Variants in LHFPL3 observed in about 807,000 individuals in gnomAD.
LHFPL3 encodes the protein LHFPL tetraspan subfamily member 3.
Under a neutral mutation model 19.3 loss-of-function variants are expected in LHFPL3, and 5 were observed. That is an observed-to-expected ratio of 0.26 (90% CI 0.14 to 0.54). The LOEUF is 0.54. Ranked by LOEUF, LHFPL3 falls within the 20% of genes least tolerant of loss-of-function variation. The pLI is 0.94. For missense variants in LHFPL3, 249 were observed against 307.4 expected (o/e 0.81, Z 1.42); for synonymous variants, 133 against 126.2 (o/e 1.05, Z -0.36).
rs1470130063 is a variant in LHFPL3, at chr7:104,391,443, T to A, written c.445+62219T>A. On this transcript the variant is annotated intron_variant, in intron 1 of 2. Coordinates refer to ENST00000424859, the MANE Select transcript of LHFPL3 (RefSeq NM_199000.3). The stretch of plus-strand genomic sequence containing the variant: ...CCAGCACCATTTATTAAATAGGGAA[T>A]CCTTTCCCCATTGCTTGTTTTTGTT... 8.5e-5 allele frequency among the ~76,000 whole-genome samples: 13 copies of A among 152,330 alleles called. No homozygotes were observed. In the East Asian group the frequency reaches 2.5e-3, roughly 29 times the overall value.
intron 1 of LHFPL3, among the ~76,000 whole-genome samples, chr7:104,395,946 A>G (rs2116482575): frequency 6.6e-6 from 1 of 152,302 alleles, no homozygotes; most frequent in Middle Eastern, 3.4e-3. Flanking sequence ...AGGCAAGTAA[A>G]CCTAAGTCCA....
At chr7:104,577,247 A>G (rs1354035021) in intron 1 of LHFPL3, among the ~76,000 whole-genome samples, 1 of 152,168 alleles carries the variant, frequency 6.6e-6, no homozygotes, top group Non-Finnish European at 1.5e-5. Context: ...TAAGTGGGTA[A>G]TCAAAAACAA....
intron 1 of LHFPL3, among the ~76,000 whole-genome samples, chr7:104,360,604 T>G (rs999616565): frequency 6.6e-6 from 1 of 152,014 alleles, no homozygotes; most frequent in African/African-American, 2.4e-5. Flanking sequence ...AGCTTGATGA[T>G]AAAACACAGG....
chr7:104,756,493 T>G (rs1185598054), intron 2 of LHFPL3, among the ~76,000 whole-genome samples: 2 of 152,052 alleles, frequency 1.3e-5, no homozygotes, highest in Non-Finnish European at 2.9e-5. Flanking sequence ...AGCACGACAA[T>G]TTTATTTTTA....
At chr7:104,581,486 G>A (rs749679117) in intron 1 of LHFPL3, among the ~76,000 whole-genome samples, 10 of 151,844 alleles carry the variant, frequency 6.6e-5, no homozygotes, top group Non-Finnish European at 1.2e-4. Context: ...ATAGTTTGAG[G>A]AACAGAAGTT....
At chr7:104,765,379 C>G (rs1794439911) in intron 2 of LHFPL3, among the ~76,000 whole-genome samples, 2 of 152,168 alleles carry the variant, frequency 1.3e-5, no homozygotes, top group Non-Finnish European at 2.9e-5. Context: ...AGTATTTGGC[C>G]AAAGACCTTG....
intron 1 of LHFPL3, among the ~76,000 whole-genome samples, chr7:104,336,171 C>A (rs776565682): frequency 6.6e-6 from 1 of 151,948 alleles, no homozygotes; most frequent in Non-Finnish European, 1.5e-5. Context: ...TGAGGAAAGA[C>A]CAAGGAGCTG....
intron 1 of LHFPL3, among the ~76,000 whole-genome samples, chr7:104,591,805 TG>T (rs1422997157): frequency 6.6e-6 from 1 of 152,206 alleles, no homozygotes; most frequent in Non-Finnish European, 1.5e-5. Context: ...TTGGAGGCTT[TG>T]CTCATTTCTT....
At chr7:104,666,765 G>A (rs983808486) in intron 1 of LHFPL3, among the ~76,000 whole-genome samples, 24 of 151,536 alleles carry the variant, frequency 1.6e-4, no homozygotes, top group African/African-American at 3.1e-4. Flanking sequence ...CTCGTGATCC[G>A]CCCGCCTCGG....
chr7:104,384,700 T>A (rs1157649141), intron 1 of LHFPL3, among the ~76,000 whole-genome samples: 6 of 146,194 alleles, frequency 4.1e-5, no homozygotes, highest in African/African-American at 1.5e-4. Context: ...GGCAGGAGAA[T>A]CACTTGAACC....
chr7:104,887,181 T>C (rs1329377716), intron 2 of LHFPL3, among the ~76,000 whole-genome samples: 2 of 152,176 alleles, frequency 1.3e-5, no homozygotes, highest in African/African-American at 2.4e-5. Context: ...CCACGGTGAA[T>C]AACAGAAGGC....
chr7:104,363,305 T>C (rs530158442), intron 1 of LHFPL3, among the ~76,000 whole-genome samples: 66 of 152,366 alleles, frequency 4.3e-4, no homozygotes, highest in Non-Finnish European at 7.2e-4. Flanking sequence ...TGTAATAATC[T>C]TTGCAACAGC....
intron 1 of LHFPL3, among the ~76,000 whole-genome samples, chr7:104,409,035 T>G (rs1199344337): frequency 6.7e-6 from 1 of 149,278 alleles, no homozygotes; most frequent in African/African-American, 2.5e-5. Context: ...CGGCTAATTT[T>G]TTTTTTTTTT....
intron 2 of LHFPL3, among the ~76,000 whole-genome samples, chr7:104,877,692 C>T (rs181073786): frequency 5.8e-4 from 87 of 149,294 alleles, no homozygotes; most frequent in African/African-American, 2.0e-3. Context: ...GGTGCAAATA[C>T]TTTTAAAAAC....
At chr7:104,435,523 C>A (rs1042151465) in intron 1 of LHFPL3, among the ~76,000 whole-genome samples, 3 of 147,548 alleles carry the variant, frequency 2.0e-5, no homozygotes, top group African/African-American at 7.4e-5. Context: ...TAAAAAAAGT[C>A]ATTTTTATAA....
chr7:104,521,139 T>C (rs1245136268), intron 1 of LHFPL3, among the ~76,000 whole-genome samples: 3 of 152,200 alleles, frequency 2.0e-5, no homozygotes, highest in Non-Finnish European at 4.4e-5. Context: ...GAGATTCTGG[T>C]ATGTTGTGTC....
At chr7:104,773,869 G>A (rs1040618262) in intron 2 of LHFPL3, among the ~76,000 whole-genome samples, 3 of 152,232 alleles carry the variant, frequency 2.0e-5, no homozygotes, top group Non-Finnish European at 4.4e-5. Flanking sequence ...CAACCCTGCG[G>A]ACACCGTGAT....
intron 1 of LHFPL3, among the ~76,000 whole-genome samples, chr7:104,436,916 T>G (rs1248648972): frequency 6.6e-6 from 1 of 152,214 alleles, no homozygotes; most frequent in Non-Finnish European, 1.5e-5. Flanking sequence ...GTTTGAGACT[T>G]TTTAGAGGTG....
intron 1 of LHFPL3, among the ~76,000 whole-genome samples, chr7:104,588,478 C>T (rs982498754): frequency 3.3e-5 from 5 of 152,116 alleles, no homozygotes; most frequent in African/African-American, 7.2e-5. Context: ...TGATCTATAT[C>T]TCTGTTTTGG....
Sources: allele counts gnomAD v4.1 joint callset (sites outside exome capture counted in the v4.1 genomes callset), GRCh38; gene constraint gnomAD v4.1.1; transcripts MANE v1.5; gene names NCBI Gene and HGNC (gene_info 2026-07-23, HGNC 2026-07-21).